FHOD3: variants seen among roughly 807,000 people sequenced by gnomAD.
The protein encoded by FHOD3 is FH1/FH2 domain-containing protein 3.
FHOD3 carries 90 observed loss-of-function variants against 173.0 expected under a neutral mutation model. That is an observed-to-expected ratio of 0.52 (90% confidence interval 0.44 to 0.62). The LOEUF is 0.62. FHOD3 is among the 20% of genes least tolerant of loss of function. FHOD3 has a pLI of 0.00. For missense variants in FHOD3, 1,945 were observed against 2,034.7 expected (o/e 0.96, Z 0.85); for synonymous variants, 828 against 823.0 (o/e 1.01, Z -0.10).
At chr18:36,524,575 A>G (rs1256044713) in intron 5 of FHOD3, among the ~76,000 whole-genome samples, 1 of 152,030 alleles carries the variant, frequency 6.6e-6, no homozygotes, top group Non-Finnish European at 1.5e-5. Context: ...CAGGCAGCCC[A>G]CCCTTGCTTT....
intron 10 of FHOD3, among the ~76,000 whole-genome samples, chr18:36,641,000 CCTT>C (rs1448577301): frequency 6.6e-6 from 1 of 152,198 alleles, no homozygotes; most frequent in African/African-American, 2.4e-5. Context: ...CAGACCCCAT[CCTT>C]CTTCTCTGCA....
intron 5 of FHOD3, among the ~76,000 whole-genome samples, chr18:36,514,252 G>A (rs755144642): frequency 1.3e-5 from 2 of 151,986 alleles, no homozygotes; most frequent in Non-Finnish European, 2.9e-5. Flanking sequence ...CTCATGATCC[G>A]CCGGCCTCGG....
intron 8 of FHOD3, 90 bp from the exon 9 acceptor site, chr18:36,611,862 A>G (rs1438996135): frequency 8.0e-7 from 1 of 1,254,822 alleles, no homozygotes; most frequent in East Asian, 2.4e-5. Context: ...GATTATAACA[A>G]TATGCCTGGA....
intron 3 of FHOD3, among the ~76,000 whole-genome samples, chr18:36,393,613 T>TCA (rs1388999170): frequency 6.6e-6 from 1 of 152,188 alleles, no homozygotes; most frequent in Non-Finnish European, 1.5e-5. Flanking sequence ...TTCAGGGTAT[T>TCA]GGGCTACACA....
At chr18:36,635,073 G>C (rs575980093) in intron 10 of FHOD3, among the ~76,000 whole-genome samples, 4 of 152,278 alleles carry the variant, frequency 2.6e-5, no homozygotes, top group Admixed American at 1.3e-4. Flanking sequence ...GTGTCCAAGA[G>C]ATTCATGCTG....
chr18:36,471,377 A>T (rs1340155517), intron 3 of FHOD3, among the ~76,000 whole-genome samples: 3 of 152,126 alleles, frequency 2.0e-5, no homozygotes, highest in Non-Finnish European at 2.9e-5. Context: ...TCCTGAGGCT[A>T]CACCTCCTCC....
At chr18:36,522,667 G>T (rs138986683) in intron 5 of FHOD3, among the ~76,000 whole-genome samples, 1 of 152,184 alleles carries the variant, frequency 6.6e-6, no homozygotes, top group African/African-American at 2.4e-5. Context: ...CTGCTCCTGA[G>T]TGCCTCATAA....
intron 5 of FHOD3, among the ~76,000 whole-genome samples, chr18:36,572,539 T>G (rs1324056346): frequency 1.3e-5 from 2 of 152,186 alleles, no homozygotes; most frequent in Non-Finnish European, 2.9e-5. Flanking sequence ...TATGAAAAAT[T>G]AGCGTGATCG....
intron 7 of FHOD3, among the ~76,000 whole-genome samples, chr18:36,595,501 AC>A (rs141077305): frequency 0.014 from 2,135 of 151,694 alleles, 53 homozygotes; most frequent in African/African-American, 0.049. Context: ...CCTCGGCTGT[AC>A]CCCCACCCCC....
intron 3 of FHOD3, among the ~76,000 whole-genome samples, chr18:36,396,511 TC>T (rs2048561715): frequency 2.0e-5 from 3 of 152,202 alleles, no homozygotes; most frequent in African/African-American, 7.2e-5. Flanking sequence ...TAGTTTTCTG[TC>T]CTAGTTTATC....
chr18:36,763,453 C>T (rs983970839), intron 27 of FHOD3, among the ~76,000 whole-genome samples: 13 of 143,204 alleles, frequency 9.1e-5, no homozygotes, highest in African/African-American at 2.5e-4. Context: ...ATATAATATG[C>T]GTATTATACA....
intron 3 of FHOD3, among the ~76,000 whole-genome samples, chr18:36,482,814 G>A (rs72891779): frequency 2.7e-4 from 38 of 141,500 alleles, no homozygotes; most frequent in Admixed American, 1.5e-3. Context: ...GAGATCATCC[G>A]GTGAACAAAC....
At chr18:36,340,764 G>C (rs914857836) in intron 1 of FHOD3, among the ~76,000 whole-genome samples, 1 of 151,872 alleles carries the variant, frequency 6.6e-6, no homozygotes, top group Non-Finnish European at 1.5e-5. Flanking sequence ...AGCCTCCCGA[G>C]TAGCTGGGAC....
At chr18:36,572,442 T>C (rs1459342907) in intron 5 of FHOD3, among the ~76,000 whole-genome samples, 3 of 152,200 alleles carry the variant, frequency 2.0e-5, no homozygotes, top group Non-Finnish European at 4.4e-5. Flanking sequence ...CGCCATCTCG[T>C]GTCTGGAGCG....
chr18:36,626,179 A>G (rs1347286034), intron 10 of FHOD3, among the ~76,000 whole-genome samples: 3 of 152,180 alleles, frequency 2.0e-5, no homozygotes, highest in Non-Finnish European at 4.4e-5. Flanking sequence ...TAAGTTAAAC[A>G]GAAAAAACCC....
intron 14 of FHOD3, among the ~76,000 whole-genome samples, chr18:36,679,061 T>C (rs2038063299): frequency 6.6e-6 from 1 of 152,166 alleles, no homozygotes; most frequent in Non-Finnish European, 1.5e-5. Context: ...TTTTCATGGG[T>C]GTGAATATAT....
At chr18:36,611,760 A>T (rs2032701466) in intron 8 of FHOD3, among the ~76,000 whole-genome samples, 192 bp from the exon 9 acceptor site, 1 of 152,148 alleles carries the variant, frequency 6.6e-6, no homozygotes, top group South Asian at 2.1e-4. Flanking sequence ...TGTACACCAG[A>T]GGGGAGAATA....
intron 19 of FHOD3, among the ~76,000 whole-genome samples, chr18:36,721,962 C>T (rs746920130): frequency 3.3e-5 from 5 of 152,080 alleles, no homozygotes; most frequent in Non-Finnish European, 5.9e-5. Flanking sequence ...GACTAAGCCA[C>T]CCAAAAACAA....
chr18:36,611,010 T>A (rs2032617933), intron 8 of FHOD3, among the ~76,000 whole-genome samples: 1 of 152,206 alleles, frequency 6.6e-6, no homozygotes, highest in Admixed American at 6.5e-5. Context: ...GGGCCTTGTC[T>A]CAGATACCCT....
Sources: allele counts gnomAD v4.1 joint callset (sites outside exome capture counted in the v4.1 genomes callset), GRCh38; gene constraint gnomAD v4.1.1; transcripts MANE v1.5; gene names NCBI Gene and HGNC (gene_info 2026-07-23, HGNC 2026-07-21).